Variants in BORCS5 observed in about 807,000 individuals in gnomAD.
BORCS5 encodes BLOC-1-related complex subunit 5.
In BORCS5, 17 loss-of-function variants were observed where a neutral mutation model predicts 22.1. That is an observed-to-expected ratio of 0.77 (90% CI 0.53 to 1.15). The LOEUF is 1.15. Among genes scored for constraint, BORCS5 ranks in the 50% most tolerant of loss-of-function variants. The pLI, the probability that BORCS5 is intolerant of heterozygous loss-of-function variation, is 0.00. For missense variants in BORCS5, 247 were observed against 253.2 expected, an observed-to-expected ratio of 0.98 and a Z score of 0.17; for synonymous variants, 117 against 99.8, an observed-to-expected ratio of 1.17 and a Z score of -1.03.
At chr12:12,357,658 G>T (rs947688090) in intron 1 of BORCS5, 149 bp downstream of exon 1, 47 of 773,876 alleles carry the variant, frequency 6.1e-5, no homozygotes, top group Non-Finnish European at 8.2e-5. Context: ...GTCACCATCT[G>T]TCCTGGCCTC....
At chr12:12,378,176 A>T (rs1019103281) in intron 2 of BORCS5, among the ~76,000 whole-genome samples, 2 of 152,224 alleles carry the variant, frequency 1.3e-5, no homozygotes, top group Non-Finnish European at 2.9e-5. Context: ...ATTTGAGACC[A>T]GCCTGGCCAG....
intron 3 of BORCS5, among the ~76,000 whole-genome samples, chr12:12,453,022 C>T (rs1305424476): frequency 3.9e-5 from 6 of 152,198 alleles, no homozygotes; most frequent in African/African-American, 1.4e-4. Flanking sequence ...TACCATGAGT[C>T]AAAGACCAAA....
intron 2 of BORCS5, among the ~76,000 whole-genome samples, chr12:12,415,018 T>G (rs1209783051): frequency 1.5e-5 from 2 of 129,692 alleles, no homozygotes; most frequent in Non-Finnish European, 1.7e-5. Flanking sequence ...GCTCCTCGCT[T>G]CCTAGATGGG....
In BORCS5 at chr12:12,357,307, C is replaced by T; in HGVS notation, c.-145C>T. 2.7e-6 allele frequency: 4 copies of T among 1,464,668 alleles called. No homozygotes were observed. Among genetic ancestry groups the T allele is most frequent in the East Asian group, 2.5e-5 (1 of 39,958 alleles). The allele number at this position is 1,464,668 out of a possible 1,614,324, so 90.7% of individuals were successfully genotyped here. Reference sequence around the variant, plus strand: ...CCCAGGCCCCTGCGTGGGCTGGACGCGTCAGCCCCACACATTAGCCTCGCT... The same window carrying T: ...CCCAGGCCCCTGCGTGGGCTGGACGTGTCAGCCCCACACATTAGCCTCGCT... On this transcript the variant is annotated 5_prime_UTR_variant, in exon 1 of 4. Coordinates refer to ENST00000314565, the MANE Select transcript of BORCS5 (RefSeq NM_058169.6).
intron 2 of BORCS5, among the ~76,000 whole-genome samples, chr12:12,369,940 G>A (rs1025667204): frequency 1.9e-4 from 29 of 151,522 alleles, no homozygotes; most frequent in African/African-American, 6.1e-4. Flanking sequence ...GGTCAGGCTG[G>A]TCTCGAACTC....
At chr12:12,400,589 G>GAGAA (rs1555148857) in intron 2 of BORCS5, among the ~76,000 whole-genome samples, 4 of 138,824 alleles carry the variant, frequency 2.9e-5, no homozygotes, top group African/African-American at 7.8e-5. Context: ...TCAGCATACA[G>GAGAA]AAAAAAAAAA....
chr12:12,435,260 T>G (rs1269555373), intron 2 of BORCS5, among the ~76,000 whole-genome samples: 2 of 152,216 alleles, frequency 1.3e-5, no homozygotes, highest in Non-Finnish European at 2.9e-5. Context: ...TCCTAGTACC[T>G]TGAAGTGATG....
intron 2 of BORCS5, among the ~76,000 whole-genome samples, chr12:12,382,526 G>C (rs1473257801): frequency 1.4e-5 from 2 of 147,624 alleles, no homozygotes. Flanking sequence ...TTCTATGATG[G>C]TATATATCTT....
At chr12:12,430,802 C>A (rs967198958) in intron 2 of BORCS5, among the ~76,000 whole-genome samples, 3 of 152,094 alleles carry the variant, frequency 2.0e-5, no homozygotes, top group Non-Finnish European at 4.4e-5. Context: ...TACTTGCACC[C>A]CAACCCCCAT....
intron 2 of BORCS5, among the ~76,000 whole-genome samples, chr12:12,362,722 C>G (rs907299062): frequency 7.1e-6 from 1 of 141,696 alleles, no homozygotes; most frequent in African/African-American, 2.5e-5. Context: ...TTACTGCAAC[C>G]TCCACCTCCC....
rs576489842 is a variant in BORCS5 at position 12,455,556 on chromosome 12, G to A, written c.361-9990G>A. On this transcript the variant is annotated intron_variant, in intron 3 of 3. Coordinates refer to ENST00000314565, the MANE Select transcript of BORCS5 (RefSeq NM_058169.6). ...GTACTTTGGAAGGACGAGGAGGGCAGATCACCTGAGGTTAGGAGTTCGAGA... is the reference window on the plus strand; with the variant it reads ...GTACTTTGGAAGGACGAGGAGGGCAAATCACCTGAGGTTAGGAGTTCGAGA... Among the ~76,000 whole-genome samples, 3 of 152,294 alleles carry A rather than the reference G, an allele frequency of 2.0e-5. No individual in the cohort carries two copies. The East Asian group carries it at 5.8e-4, about 29-fold the overall frequency.
chr12:12,371,593 C>T (rs896732806), intron 2 of BORCS5, among the ~76,000 whole-genome samples: 1 of 152,236 alleles, frequency 6.6e-6, no homozygotes, highest in South Asian at 2.1e-4. Context: ...CATGCCTGGC[C>T]TATATTTTCT....
intron 3 of BORCS5, among the ~76,000 whole-genome samples, chr12:12,453,429 T>C (rs546165835): frequency 1.3e-5 from 2 of 152,280 alleles, no homozygotes; most frequent in African/African-American, 4.8e-5. Context: ...CCACCTTCCT[T>C]TAGGATTAAA....
intron 2 of BORCS5, among the ~76,000 whole-genome samples, chr12:12,408,391 T>C (rs1193950467): frequency 6.6e-6 from 1 of 152,232 alleles, no homozygotes; most frequent in African/African-American, 2.4e-5. Context: ...CACAATGTGG[T>C]AAAATACACT....
intron 2 of BORCS5, among the ~76,000 whole-genome samples, chr12:12,373,003 T>C (rs1361011723): frequency 1.3e-5 from 2 of 152,170 alleles, no homozygotes; most frequent in Admixed American, 6.5e-5. Flanking sequence ...GACTGAATGA[T>C]TATGTCTCCC....
chr12:12,357,423 GTTC>G lies in BORCS5; in HGVS notation c.-24_-22del, dbSNP rs756699760. The G allele has an allele frequency of 4.4e-6, 7 of 1,601,214 alleles. No individual in the cohort carries two copies. The highest frequency in any genetic ancestry group is 3.4e-5 in the Admixed American group (2 of 59,416). On this transcript the variant is annotated 5_prime_UTR_variant, in exon 1 of 4. Transcript: ENST00000314565. ...CGGAGCGGTGACCGCCCGGCCCGCC[GTTC>G]TTCTGCTGCCACCGCTGTCGGCACC...
At chr12:12,414,008 CG>C (rs2136091179) in intron 2 of BORCS5, among the ~76,000 whole-genome samples, 1 of 70,238 alleles carries the variant, frequency 1.4e-5, no homozygotes, top group South Asian at 3.5e-4. Flanking sequence ...TAGGGGCGGC[CG>C]GGCAGAGGCC....
Position 12,465,602 on chromosome 12 carries a change from C to G in BORCS5, c.417C>G (p.Tyr139Ter), listed in dbSNP as rs757536233. 4.3e-6 allele frequency: 7 copies of G among 1,614,148 alleles called. No homozygotes were observed. Among genetic ancestry groups the G allele is most frequent in the African/African-American group, 4.0e-5 (3 of 74,956 alleles). ...FSFMQERQKRYAKYAEQIQKV... is the reference protein window; with the variant it reads ...FSFMQERQKR ...TCATGCAGGAGCGCCAGAAAAGATA[C>G]GCCAAGTATGCCGAGCAGATCCAGA... Residue 139 changes from tyrosine (Y) to a stop codon, truncating the protein, a stop_gained, in exon 4 of 4, where the codon TAC becomes TAG. Coordinates refer to ENST00000314565, the MANE Select transcript of BORCS5 (RefSeq NM_058169.6). LOFTEE classifies it high-confidence loss of function.
chr12:12,443,887 G>A (rs753507268), intron 3 of BORCS5, among the ~76,000 whole-genome samples: 2 of 152,178 alleles, frequency 1.3e-5, no homozygotes, highest in Non-Finnish European at 1.5e-5. Flanking sequence ...CCACCAGAGC[G>A]GGCAGTGTCA....
Sources: gnomAD v4.1 joint callset for allele counts (sites outside exome capture counted in the v4.1 genomes callset) on GRCh38, gnomAD v4.1.1 for gene constraint, MANE v1.5 for transcripts, NCBI Gene and HGNC (gene_info 2026-07-23, HGNC 2026-07-21) for gene names.